Variants in TUB observed in about 807,000 individuals in gnomAD.
TUB encodes tubby protein homolog.
A neutral mutation model predicts 59.7 loss-of-function variants in TUB; 33 were observed. That is an observed-to-expected ratio of 0.55 (90% CI 0.42 to 0.74). The LOEUF is 0.74. Among genes scored for constraint, TUB ranks in the 30% least tolerant of loss-of-function variants. The probability of loss-of-function intolerance (pLI) is 0.00; values close to 1 mark genes in which losing one functional copy is unlikely to be tolerated. For missense variants in TUB, 659 were observed against 672.0 expected (o/e 0.98, Z 0.21); for synonymous variants, 293 against 256.4 (o/e 1.14, Z -1.36).
Position 8,096,787 on chromosome 11 carries a change from C to G in TUB, c.668C>G (p.Thr223Ser), listed in dbSNP as rs776323941. 3.1e-6 allele frequency: 5 copies of G among 1,614,186 alleles called. 1 individual carries two copies. The South Asian group carries it at 4.4e-5, about 14-fold the overall frequency. The change falls in exon 6 of 12, where the codon ACT becomes AGT. Residue 223 changes from threonine to serine, a missense_variant. Physicochemically the swap from Thr to Ser is moderately conservative, Grantham distance 58. Around this residue, in one of 3 missense-constraint regions of TUB, gnomAD observed 321 missense variants for 304.3 expected, o/e 1.05. Coordinates refer to ENST00000299506, the MANE Select transcript of TUB (RefSeq NM_177972.3). ...AGTAACACCCGCCCCAGCTCTGCTA[C>G]TAGCAGGAAGTCCGTCAGGGTGAGT... Reference protein sequence around the residue: ...LNSNTRPSSATSRKSVREAAS... With the variant: ...LNSNTRPSSASSRKSVREAAS...
intron 1 of TUB, among the ~76,000 whole-genome samples, chr11:8,022,926 CAAACAA>C (rs1942450675): frequency 6.6e-6 from 1 of 151,834 alleles, no homozygotes; most frequent in African/African-American, 2.4e-5. Context: ...AAAAAACACA[CAAACAA>C]AAACAAAACA....
chr11:8,096,874 T>C (rs1182541301), intron 6 of TUB, 68 bp downstream of exon 6: 7 of 1,559,710 alleles, frequency 4.5e-6, no homozygotes, highest in Non-Finnish European at 6.2e-6. Context: ...GTGGACTGCA[T>C]GTGAAGAGAT....
In TUB at chr11:8,101,633, C is replaced by T. The variant is rs1944312235; in HGVS notation, c.*14C>T. On this transcript the variant is annotated 3_prime_UTR_variant, in exon 12 of 12. Coordinates refer to ENST00000299506, the MANE Select transcript of TUB (RefSeq NM_177972.3). ...GCGTGCGAGTAGAGGCCTCTTCGTG[C>T]CCTTTGGGGTTGCCCAGCCTGGAGC... The T allele has an allele frequency of 2.5e-6, 4 of 1,613,666 alleles. No individual in the cohort carries two copies. Among genetic ancestry groups the T allele is most frequent in the Middle Eastern group, 3.3e-4 (2 of 6,070 alleles).
At chr11:8,078,624 G>A (rs1440673096), upstream of TUB, among the ~76,000 whole-genome samples, 4 of 152,066 alleles carry the variant, frequency 2.6e-5, no homozygotes, top group South Asian at 2.1e-4. Flanking sequence ...CATAGAACTC[G>A]AAGAAGCACA....
At chr11:8,078,550 G>A (rs762495343), upstream of TUB, among the ~76,000 whole-genome samples, 22 of 152,156 alleles carry the variant, frequency 1.4e-4, no homozygotes, top group South Asian at 8.3e-4. Flanking sequence ...TGTCAACCAC[G>A]GAAGTCATTT....
chr11:8,100,847 C>A lies in TUB; in HGVS notation c.1237C>A (p.Arg413Ser). The A allele has an allele frequency of 6.2e-7, 1 of 1,614,110 alleles. No homozygotes were observed. Among genetic ancestry groups the A allele is most frequent in the Non-Finnish European group, 8.5e-7 (1 of 1,180,014 alleles). The stretch of plus-strand genomic sequence containing the variant: ...CCAGGAGCATGAGACACTGCTAGCA[C>A]GCTGGCAGAATAAGAACACGGAGAG... Reference protein sequence around the residue: ...PRNEHETLLARWQNKNTESII... With the variant: ...PRNEHETLLASWQNKNTESII... Residue 413 changes from arginine (R) to serine (S), a missense_variant, in exon 11 of 12, where the codon CGC becomes AGC. Arg to Ser is a moderately radical substitution (Grantham distance 110). Transcript: ENST00000299506.
chr11:8,030,759 G>A (rs1942558124), intron 1 of TUB, among the ~76,000 whole-genome samples: 1 of 152,150 alleles, frequency 6.6e-6, no homozygotes, highest in South Asian at 2.1e-4. Context: ...ATCTGGGGAG[G>A]CTTTGGAGTC....
chr11:8,092,786 AG>A (rs1383185714), intron 3 of TUB, among the ~76,000 whole-genome samples: 2 of 152,134 alleles, frequency 1.3e-5, no homozygotes, highest in African/African-American at 4.8e-5. Flanking sequence ...TGGTGTTTCC[AG>A]GCCACTCCCA....
intron 2 of TUB, among the ~76,000 whole-genome samples, chr11:8,046,700 C>G (rs1341299273): frequency 6.8e-6 from 1 of 146,912 alleles, no homozygotes; most frequent in Non-Finnish European, 1.5e-5. Context: ...CTCTTTGCCT[C>G]CAGCCTATCT....
intron 2 of TUB, among the ~76,000 whole-genome samples, chr11:8,064,332 C>A (rs1468914185): frequency 1.3e-5 from 2 of 152,168 alleles, no homozygotes; most frequent in Non-Finnish European, 2.9e-5. Flanking sequence ...CCAGATGTGA[C>A]CTTCTGGGTA....
At chr11:8,095,312 A>T (rs1943937583) in intron 4 of TUB, among the ~76,000 whole-genome samples, 186 bp from the exon 5 acceptor site, 1 of 152,224 alleles carries the variant, frequency 6.6e-6, no homozygotes, top group Admixed American at 6.5e-5. Flanking sequence ...TGAAGCCCAC[A>T]TCCCTTACTA....
intron 3 of TUB, among the ~76,000 whole-genome samples, chr11:8,091,063 C>G (rs1404359100): frequency 6.6e-6 from 1 of 152,178 alleles, no homozygotes; most frequent in Non-Finnish European, 1.5e-5. Context: ...CCTTAGCAGT[C>G]GTGGTGCTCC....
chr11:8,052,549 A>G (rs1440633503), intron 2 of TUB, among the ~76,000 whole-genome samples: 2 of 149,062 alleles, frequency 1.3e-5, no homozygotes, highest in Non-Finnish European at 3.0e-5. Context: ...GGCTCACTGC[A>G]AGCTCTGCCT....
chr11:8,063,678 T>C (rs958667374), intron 2 of TUB, among the ~76,000 whole-genome samples: 23 of 152,202 alleles, frequency 1.5e-4, no homozygotes, highest in African/African-American at 5.6e-4. Context: ...CTGTACAAAT[T>C]ACTTTCTTAG....
intron 8 of TUB, 31 bp from the exon 9 acceptor site, chr11:8,098,727 T>C (rs1944118214): frequency 1.3e-5 from 20 of 1,528,554 alleles, no homozygotes; most frequent in Non-Finnish European, 1.8e-5. Context: ...AGAGGGTGCA[T>C]GACTCTATAC....
In TUB at chr11:8,097,318, C is replaced by T. The variant is rs768688995; in HGVS notation, c.778C>T (p.Pro260Ser). The change falls in exon 7 of 12, where the codon CCC becomes TCC. Residue 260 changes from proline (P) to serine (S), a missense_variant. Pro to Ser is a moderately conservative substitution (Grantham distance 74). Around this residue, in one of 3 missense-constraint regions of TUB, gnomAD observed 112 missense variants for 156.9 expected, o/e 0.71. Transcript: ENST00000299506. ...TGAGGAGTTTGCACTGAGGCCGGCCCCCCAGGGTATCACCATCAAATGCCG... is the reference window on the plus strand; with the variant it reads ...TGAGGAGTTTGCACTGAGGCCGGCCTCCCAGGGTATCACCATCAAATGCCG... ...DLEEFALRPA[P>S]QGITIKCRIT... 13 of 1,614,024 alleles carry T rather than the reference C, an allele frequency of 8.1e-6. 1 individual carries two copies. Among genetic ancestry groups the T allele is most frequent in the Non-Finnish European group, 1.1e-5 (13 of 1,180,040 alleles).
intron 7 of TUB, 34 bp downstream of exon 7, chr11:8,097,459 T>C (rs532449666): frequency 1.9e-6 from 3 of 1,613,320 alleles, no homozygotes; most frequent in South Asian, 2.2e-5. Context: ...TCATCTAGGC[T>C]TTACAGCCCT....
intron 1 of TUB, among the ~76,000 whole-genome samples, chr11:8,085,792 A>C (rs1185822657): frequency 2.6e-5 from 4 of 152,214 alleles, no homozygotes; most frequent in Non-Finnish European, 5.9e-5. Context: ...GTCTCTGAAG[A>C]GAGGGAGTTC....
At chr11:8,032,912 G>T (rs1055834664) in intron 1 of TUB, among the ~76,000 whole-genome samples, 1 of 152,180 alleles carries the variant, frequency 6.6e-6, no homozygotes, top group Non-Finnish European at 1.5e-5. Context: ...GTTAACTGCC[G>T]ATGAGCACAG....
Sources: gnomAD v4.1 joint callset for allele counts (sites outside exome capture counted in the v4.1 genomes callset) on GRCh38, gnomAD v4.1.1 for gene constraint, gnomAD v4.1.1 regional missense constraint, MANE v1.5 for transcripts, NCBI Gene and HGNC (gene_info 2026-07-23, HGNC 2026-07-21) for gene names.